Variants in FAM168B observed in about 807,000 individuals in gnomAD.
FAM168B encodes the protein myelin-associated neurite-outgrowth inhibitor.
FAM168B carries 19 observed loss-of-function variants against 21.8 expected under a neutral mutation model. The ratio of observed to expected loss-of-function variants is 0.87; its 90% CI spans 0.61 to 1.28. FAM168B has a LOEUF of 1.28. Ranked by LOEUF, FAM168B falls within the 50% of genes most tolerant of loss-of-function variation. The pLI is 0.00. For missense variants in FAM168B, 233 were observed against 263.1 expected, an observed-to-expected ratio of 0.89 and a Z score of 0.79; for synonymous variants, 126 against 104.8, an observed-to-expected ratio of 1.20 and a Z score of -1.24.
At position 131,051,510 on chromosome 2, in the gene FAM168B, C is replaced by T. The variant is rs1691676711; in HGVS notation, c.*955G>A. The stretch of plus-strand genomic sequence containing the variant: ...AAAAAAAAAAAAAAGGAATGATTTT[C>T]TAAGCTAAATAAAGCAGAGGACAAT... On this transcript the variant is annotated 3_prime_UTR_variant, in exon 7 of 7. Transcript: ENST00000389915. 1.0e-6 allele frequency: 1 copy of T among 982,792 alleles called. No individual in the cohort carries two copies. The highest frequency in any genetic ancestry group is 1.8e-5 in the African/African-American group (1 of 56,678). The allele number at this position is 982,792 out of a possible 1,614,324, so 60.9% of individuals were successfully genotyped here.
In FAM168B at chr2:131,052,307, G is replaced by A. The variant is rs1444369899; in HGVS notation, c.*158C>T. On this transcript the variant is annotated 3_prime_UTR_variant, in exon 7 of 7. Coordinates refer to ENST00000389915, the MANE Select transcript of FAM168B (RefSeq NM_001009993.4). ...CCCACAGAGTCAGCTGGAGACTAAC[G>A]GCGCTGGGGCCTGCTGGGCCGGGAT... 3 of 985,922 alleles carry A rather than the reference G, an allele frequency of 3.0e-6. No individual in the cohort carries two copies. Among genetic ancestry groups the A allele is most frequent in the Non-Finnish European group, 3.6e-6 (3 of 829,992 alleles). The allele number at this position is 985,922 out of a possible 1,614,324, so 61.1% of individuals were successfully genotyped here.
Position 131,048,133 on chromosome 2 carries a change from G to A in FAM168B, c.*4332C>T. On this transcript the variant is annotated 3_prime_UTR_variant, in exon 7 of 7. Coordinates refer to ENST00000389915, the MANE Select transcript of FAM168B (RefSeq NM_001009993.4). Reference sequence around the variant, plus strand: ...ACAATGCTGACTTAGCTTAAAAAAAGTACCGAGAGAACGGTGTAAAAAACG... The same window carrying A: ...ACAATGCTGACTTAGCTTAAAAAAAATACCGAGAGAACGGTGTAAAAAACG... 8.4e-7 allele frequency: 1 copy of A among 1,195,610 alleles called. No individual in the cohort carries two copies. Among genetic ancestry groups the A allele is most frequent in the Non-Finnish European group, 1.1e-6 (1 of 926,338 alleles). 74.1% of individuals were successfully genotyped at this position (1,195,610 alleles called of 1,614,324 possible).
chr2:131,048,657 C>T lies in FAM168B; in HGVS notation c.*3808G>A, dbSNP rs1453436226. ...AGGACCTACTGATAAAGCATGTCCT[C>T]TGCAGTATACTCAAGAGTCTGCTGC... On this transcript the variant is annotated 3_prime_UTR_variant, in exon 7 of 7. Coordinates refer to ENST00000389915, the MANE Select transcript of FAM168B (RefSeq NM_001009993.4). 9.9e-7 allele frequency: 1 copy of T among 1,013,878 alleles called. No individual in the cohort carries two copies. Among genetic ancestry groups the T allele is most frequent in the Non-Finnish European group, 1.2e-6 (1 of 846,554 alleles). The allele number at this position is 1,013,878 out of a possible 1,614,324, so 62.8% of individuals were successfully genotyped here. A position where few individuals can be genotyped will look rare whatever the true frequency, so the allele number is the denominator to read the frequency against.
At chr2:131,060,996 C>T (rs1189899652) in intron 3 of FAM168B, among the ~76,000 whole-genome samples, 1 of 151,430 alleles carries the variant, frequency 6.6e-6, no homozygotes, top group Non-Finnish European at 1.5e-5. Context: ...GGACTACAGG[C>T]GCCCACCACC....
intron 1 of FAM168B, among the ~76,000 whole-genome samples, chr2:131,090,967 T>A (rs904470449): frequency 1.8e-4 from 28 of 152,184 alleles, no homozygotes; most frequent in African/African-American, 6.3e-4. Flanking sequence ...CCTGACCTCG[T>A]GATATGCCAG....
chr2:131,070,704 C>G (rs1332516021), intron 3 of FAM168B, among the ~76,000 whole-genome samples: 1 of 152,026 alleles, frequency 6.6e-6, no homozygotes, highest in Non-Finnish European at 1.5e-5. Context: ...TATTTCCATA[C>G]AACAAAATAC....
chr2:131,085,967 G>A (rs374853729), intron 1 of FAM168B, among the ~76,000 whole-genome samples: 4 of 152,300 alleles, frequency 2.6e-5, no homozygotes, highest in East Asian at 3.9e-4. Flanking sequence ...GTCACATGTG[G>A]CTAGTGGTTA....
intron 2 of FAM168B, among the ~76,000 whole-genome samples, chr2:131,081,217 C>T (rs1446509853): frequency 1.3e-5 from 2 of 152,262 alleles, no homozygotes; most frequent in South Asian, 2.1e-4. Context: ...TCTTTTATAT[C>T]TGCAATTCTT....
At chr2:131,077,083 A>T (rs566766204) in intron 2 of FAM168B, among the ~76,000 whole-genome samples, 95 of 152,166 alleles carry the variant, frequency 6.2e-4, no homozygotes, top group African/African-American at 2.1e-3. Context: ...TCACACAAAC[A>T]TAGGGCTGTT....
intron 3 of FAM168B, among the ~76,000 whole-genome samples, chr2:131,065,684 G>A (rs1261169749): frequency 6.6e-6 from 1 of 151,494 alleles, no homozygotes; most frequent in Non-Finnish European, 1.5e-5. Context: ...AGCTTCTCAG[G>A]AGGCTGAGGC....
chr2:131,050,854 T>C lies in FAM168B; in HGVS notation c.*1611A>G. The C allele has an allele frequency of 1.0e-6, 1 of 985,232 alleles. No homozygotes were observed. Among genetic ancestry groups the C allele is most frequent in the South Asian group, 4.7e-5 (1 of 21,264 alleles). The allele number at this position is 985,232 out of a possible 1,614,324, so 61.0% of individuals were successfully genotyped here. On this transcript the variant is annotated 3_prime_UTR_variant, in exon 7 of 7. Transcript: ENST00000389915. Reference sequence around the variant, plus strand: ...GAGCCCACAGCACTCAAACCACCACTGCACTGGGAAGAAGACGCACGCTCC... The same window carrying C: ...GAGCCCACAGCACTCAAACCACCACCGCACTGGGAAGAAGACGCACGCTCC...
At chr2:131,089,203 T>G (rs1306536636) in intron 1 of FAM168B, among the ~76,000 whole-genome samples, 2 of 151,868 alleles carry the variant, frequency 1.3e-5, no homozygotes, top group African/African-American at 2.4e-5. Flanking sequence ...CGACCTCAGG[T>G]GATCCGCCAG....
At chr2:131,067,599 T>C (rs1457758821) in intron 3 of FAM168B, among the ~76,000 whole-genome samples, 2 of 152,230 alleles carry the variant, frequency 1.3e-5, no homozygotes, top group South Asian at 4.1e-4. Flanking sequence ...AAAAATAATC[T>C]AGGTGTGGTG....
At chr2:131,053,069 C>T (rs2105453060) in intron 5 of FAM168B, 54 bp from the exon 6 acceptor site, 4 of 1,495,362 alleles carry the variant, frequency 2.7e-6, no homozygotes, top group Non-Finnish European at 3.6e-6. Flanking sequence ...CAGCTCCACA[C>T]TGCCTGATAC....
At chr2:131,073,949 C>T (rs1187798391) in intron 2 of FAM168B, among the ~76,000 whole-genome samples, 1 of 152,106 alleles carries the variant, frequency 6.6e-6, no homozygotes, top group Non-Finnish European at 1.5e-5. Context: ...ATAATATGAA[C>T]GAAACAGAAA....
chr2:131,052,827 T>G lies in FAM168B; in HGVS notation c.*12+64A>C, dbSNP rs954572221. 7 of 1,526,416 alleles carry G rather than the reference T, an allele frequency of 4.6e-6. No individual in the cohort carries two copies. In the East Asian group the frequency reaches 1.8e-4, roughly 38 times the overall value. 94.6% of individuals were successfully genotyped at this position (1,526,416 alleles called of 1,614,324 possible). ...GTTAGTGCTTAAATATGTGGTAAAT[T>G]TGCCACTGTCCCATGGAAATGCCCT... On this transcript the variant is annotated intron_variant, in intron 6 of 6. Transcript: ENST00000389915.
rs963435524 is a variant in FAM168B, at chr2:131,093,240, A to C, written c.-38T>G. 5.6e-4 allele frequency: 85 copies of C among 150,470 alleles called. No individual in the cohort carries two copies. The highest frequency in any genetic ancestry group is 4.6e-3 in the Admixed American group (69 of 15,122). 9.3% of individuals were successfully genotyped at this position (150,470 alleles called of 1,614,324 possible). On this transcript the variant is annotated 5_prime_UTR_variant, in exon 1 of 7. Coordinates refer to ENST00000389915, the MANE Select transcript of FAM168B (RefSeq NM_001009993.4). ...GCGCCGCGGCGGCGACCTGGGCCTC[A>C]GTGACCAGCGCACGCCGGCCCGCGG...
chr2:131,085,241 G>A (rs1187700157), intron 1 of FAM168B, among the ~76,000 whole-genome samples: 1 of 152,094 alleles, frequency 6.6e-6, no homozygotes, highest in African/African-American at 2.4e-5. Flanking sequence ...CTTGAGGCCA[G>A]GAGTTCAAGA....
At chr2:131,056,195 G>A (rs530606160) in intron 3 of FAM168B, among the ~76,000 whole-genome samples, 1 of 152,298 alleles carries the variant, frequency 6.6e-6, no homozygotes, top group African/African-American at 2.4e-5. Context: ...CCCAGCACCA[G>A]GACTGGCTAA....
Sources: allele counts gnomAD v4.1 joint callset (sites outside exome capture counted in the v4.1 genomes callset), GRCh38; gene constraint gnomAD v4.1.1; transcripts MANE v1.5; gene names NCBI Gene and HGNC (gene_info 2026-07-23, HGNC 2026-07-21).